Variants in RDX observed in about 807,000 individuals in gnomAD.
The protein encoded by RDX is radixin.
A neutral mutation model predicts 83.7 loss-of-function variants in RDX; 32 were observed. That is an observed-to-expected ratio of 0.38 (90% CI 0.29 to 0.51). RDX has a LOEUF of 0.51. RDX is among the 20% of genes least tolerant of loss of function. RDX has a pLI of 0.87. For synonymous variants in RDX, 229 were observed against 222.7 expected (o/e 1.03, Z -0.25); for missense variants, 600 against 689.9 (o/e 0.87, Z 1.46).
chr11:110,284,375 T>C (rs897958127), intron 1 of RDX, among the ~76,000 whole-genome samples: 12 of 152,242 alleles, frequency 7.9e-5, no homozygotes, highest in Non-Finnish European at 1.0e-4. Context: ...TACTATGTGA[T>C]AACATGGACT....
chr11:110,285,607 G>A (rs1267180572), intron 1 of RDX, among the ~76,000 whole-genome samples: 9 of 151,466 alleles, frequency 5.9e-5, no homozygotes, highest in African/African-American at 2.2e-4. Context: ...CTGCAACTCA[G>A]GAGGCTGAGG....
rs146898038 is a variant in RDX, at chr11:110,200,546, T to C, written c.1749-868A>G. ...GAAATGCAGTTACTAGCAATCTCTATCTTACGAATGAGTTATGAACCAAAA... is the reference window on the plus strand; with the variant it reads ...GAAATGCAGTTACTAGCAATCTCTACCTTACGAATGAGTTATGAACCAAAA... On this transcript the variant is annotated intron_variant, in intron 14 of 15. Coordinates refer to the RDX transcript ENST00000528498. 1.1e-3 allele frequency among the ~76,000 whole-genome samples: 166 copies of C among 152,330 alleles called. 1 individual carries two copies. Among genetic ancestry groups the C allele is most frequent in the South Asian group, 5.0e-3 (24 of 4,828 alleles).
At chr11:110,262,768 T>C (rs182506358) in intron 5 of RDX, among the ~76,000 whole-genome samples, 4 of 152,326 alleles carry the variant, frequency 2.6e-5, no homozygotes, top group Non-Finnish European at 5.9e-5. Flanking sequence ...TTTGCAGATT[T>C]AGATACTGAG....
At chr11:110,291,366 G>A (rs148769224) in intron 1 of RDX, among the ~76,000 whole-genome samples, 114 of 152,170 alleles carry the variant, frequency 7.5e-4, no homozygotes, top group Middle Eastern at 3.4e-3. Context: ...AGGGAGGGAC[G>A]GAGGGAGGAA....
chr11:110,253,818 CTT>C, intron 9 of RDX, 126 bp downstream of exon 9: 1 of 821,756 alleles, frequency 1.2e-6, no homozygotes, highest in Non-Finnish European at 2.0e-6. Context: ...ATAATACTGT[CTT>C]TGAATTTTAA....
chr11:110,183,305 T>C (rs1373900726), intron 15 of RDX, among the ~76,000 whole-genome samples: 1 of 152,168 alleles, frequency 6.6e-6, no homozygotes, highest in Non-Finnish European at 1.5e-5. Context: ...TGCCATCTGC[T>C]ATTAATATAT....
intron 1 of RDX, among the ~76,000 whole-genome samples, chr11:110,281,574 G>C (rs1304939111): frequency 6.6e-6 from 1 of 152,086 alleles, no homozygotes; most frequent in African/African-American, 2.4e-5. Flanking sequence ...TGATCCGCCG[G>C]CCTTGGCCTC....
intron 14 of RDX, among the ~76,000 whole-genome samples, chr11:110,208,942 G>A (rs1318059403): frequency 1.3e-5 from 2 of 152,176 alleles, no homozygotes; most frequent in East Asian, 1.9e-4. Context: ...GGCAACAAGA[G>A]CAAAACTCTG....
rs1317830349 is a variant in RDX, at chr11:110,231,965, A to G, written c.1656T>C (p.Ala552=). The G allele has an allele frequency of 6.2e-7, 1 of 1,613,950 alleles. No individual in the cohort carries two copies. The highest frequency in any genetic ancestry group is 2.2e-5 in the East Asian group (1 of 44,894). ...TATCACGGCCTGCTTTAACATTCTC[A>G]GCATGAAGAACATCATTTTGTGTTT... The part of the protein sequence containing the change: ...TKKTQNDVLH[A]ENVKAGRDKY... Residue 552 remains alanine (A), a synonymous_variant, in exon 14 of 14, where the codon GCT becomes GCC. Coordinates refer to ENST00000645495, the MANE Select transcript of RDX (RefSeq NM_002906.4).
intron 1 of RDX, among the ~76,000 whole-genome samples, chr11:110,283,445 A>C (rs1314926687): frequency 6.6e-6 from 1 of 152,080 alleles, no homozygotes; most frequent in East Asian, 1.9e-4. Flanking sequence ...CACCACACAC[A>C]CCCGGCCTAA....
chr11:110,272,448 AG>A (rs1860343875), intron 3 of RDX, 87 bp downstream of exon 3: 1 of 885,290 alleles, frequency 1.1e-6, no homozygotes, highest in African/African-American at 1.7e-5. Context: ...TTGGATTATC[AG>A]CAAAAGTACA....
intron 14 of RDX, among the ~76,000 whole-genome samples, chr11:110,216,460 C>A (rs1864055257): frequency 6.6e-6 from 1 of 151,734 alleles, no homozygotes; most frequent in African/African-American, 2.4e-5. Context: ...GCAGCCTCAA[C>A]CTCCTGGGCT....
chr11:110,259,218 G>T (rs990699757), intron 5 of RDX, among the ~76,000 whole-genome samples: 5 of 152,142 alleles, frequency 3.3e-5, no homozygotes, highest in Non-Finnish European at 5.9e-5. Flanking sequence ...GATTACAGGC[G>T]TGAGCTACCA....
At chr11:110,259,464 G>C (rs546875890) in intron 5 of RDX, among the ~76,000 whole-genome samples, 3 of 152,260 alleles carry the variant, frequency 2.0e-5, no homozygotes, top group Non-Finnish European at 4.4e-5. Flanking sequence ...TGAAACCCAA[G>C]GATTTCTTGG....
intron 11 of RDX, 132 bp from the exon 12 acceptor site, chr11:110,236,323 T>G (rs1864849062): frequency 1.5e-6 from 1 of 684,984 alleles, no homozygotes; most frequent in African/African-American, 1.8e-5. Context: ...AATACAGTAT[T>G]TCTTAAGATC....
At position 110,231,796 on chromosome 11, in the gene RDX, C is replaced by A; in HGVS notation, c.*73G>T. Reference sequence around the variant, plus strand: ...TTTGGCAAGGTGGGATGCATTCCATCATATCTGCAAAGGCCTGCTTTTCTC... The same window carrying A: ...TTTGGCAAGGTGGGATGCATTCCATAATATCTGCAAAGGCCTGCTTTTCTC... On this transcript the variant is annotated 3_prime_UTR_variant, in exon 14 of 14. Transcript: ENST00000645495. 5.2e-6 allele frequency: 8 copies of A among 1,552,602 alleles called. No individual in the cohort carries two copies. Among genetic ancestry groups the A allele is most frequent in the Non-Finnish European group, 7.1e-6 (8 of 1,130,392 alleles).
intron 15 of RDX, among the ~76,000 whole-genome samples, chr11:110,176,196 T>G (rs557565002): frequency 6.6e-6 from 1 of 151,800 alleles, no homozygotes; most frequent in South Asian, 2.1e-4. Flanking sequence ...AGAAAGTAGC[T>G]GGGACCACAG....
chr11:110,189,243 TAAAAAAAAAAA>T (rs35450797), intron 15 of RDX, among the ~76,000 whole-genome samples: 3 of 35,590 alleles, frequency 8.4e-5, no homozygotes, highest in Non-Finnish European at 1.9e-4. Flanking sequence ...GAACAACAGG[TAAAAAAAAAAA>T]AAAAAAAAAA....
chr11:110,260,644 G>A (rs756341395), intron 5 of RDX, among the ~76,000 whole-genome samples: 19 of 152,156 alleles, frequency 1.2e-4, no homozygotes, highest in Non-Finnish European at 2.4e-4. Flanking sequence ...TCTGTGGCCA[G>A]TGTCTCAGTA....
Sources: allele counts gnomAD v4.1 joint callset (sites outside exome capture counted in the v4.1 genomes callset), GRCh38; gene constraint gnomAD v4.1.1; transcripts MANE v1.5; gene names NCBI Gene and HGNC (gene_info 2026-07-23, HGNC 2026-07-21).